Variants in COL15A1 observed in about 807,000 individuals in gnomAD.
The protein encoded by COL15A1 is collagen alpha-1(XV) chain.
A neutral mutation model predicts 165.9 loss-of-function variants in COL15A1; 111 were observed. The ratio of observed to expected loss-of-function variants is 0.67; its 90% CI spans 0.57 to 0.78. COL15A1 has a LOEUF of 0.78. Ranked by LOEUF, COL15A1 falls within the 30% of genes least tolerant of loss-of-function variation. The probability of loss-of-function intolerance (pLI) is 0.00; values close to 1 mark genes in which losing one functional copy is unlikely to be tolerated. For missense variants in COL15A1, 1,745 were observed against 1,789.7 expected, an observed-to-expected ratio of 0.98 and a Z score of 0.45; for synonymous variants, 659 against 674.8, an observed-to-expected ratio of 0.98 and a Z score of 0.36.
intron 2 of COL15A1, among the ~76,000 whole-genome samples, chr9:98,979,376 G>A (rs939469774): frequency 6.6e-5 from 10 of 152,178 alleles, no homozygotes; most frequent in East Asian, 1.9e-4. Context: ...CCAACACAGC[G>A]TATTCTGGTC....
rs558603668 is a variant in COL15A1 at position 98,980,993 on chromosome 9, T to C, written c.101-4572T>C. 2.0e-5 allele frequency among the ~76,000 whole-genome samples: 3 copies of C among 152,230 alleles called. No individual in the cohort carries two copies. The South Asian group carries it at 6.2e-4, about 32-fold the overall frequency. ...TGCACATACCCATATTATCCAATAA[T>C]TCCACTTCCAGCTGTGGAATTACCT... On this transcript the variant is annotated intron_variant, in intron 2 of 41. Transcript: ENST00000375001.
intron 11 of COL15A1, 105 bp downstream of exon 11, chr9:99,016,224 G>C: frequency 7.1e-7 from 1 of 1,401,678 alleles, no homozygotes; most frequent in Non-Finnish European, 9.4e-7. Flanking sequence ...CTCAGAGGTA[G>C]GTTTTCATGT....
In COL15A1 at chr9:99,056,243, T is replaced by A; in HGVS notation, c.3193-17T>A. On this transcript the variant is annotated splice_polypyrimidine_tract_variant and intron_variant, in intron 34 of 41. Transcript: ENST00000375001. ...GAATGATGCTTTCTCTCTGTTATTGTGTGCTTGCCTTGACAGGGCCAAAAA... is the reference window on the plus strand; with the variant it reads ...GAATGATGCTTTCTCTCTGTTATTGAGTGCTTGCCTTGACAGGGCCAAAAA... 2 of 1,613,486 alleles carry A rather than the reference T, an allele frequency of 1.2e-6. No homozygotes were observed. The highest frequency in any genetic ancestry group is 4.5e-5 in the East Asian group (2 of 44,880).
chr9:98,998,862 C>G (rs1251350507), intron 6 of COL15A1, among the ~76,000 whole-genome samples: 1 of 152,206 alleles, frequency 6.6e-6, no homozygotes, highest in Non-Finnish European at 1.5e-5. Flanking sequence ...CCAAAGTGTC[C>G]TTTTCTTCTT....
At chr9:99,052,454 C>T (rs762551785) in intron 31 of COL15A1, 21 bp downstream of exon 31, 7 of 1,576,154 alleles carry the variant, frequency 4.4e-6, no homozygotes, top group Non-Finnish European at 5.2e-6. Context: ...CCTTCTTCAT[C>T]ATTTGTTTCT....
intron 2 of COL15A1, among the ~76,000 whole-genome samples, chr9:98,972,515 A>G (rs1838077070): frequency 6.6e-6 from 1 of 152,246 alleles, no homozygotes; most frequent in South Asian, 2.1e-4. Context: ...TCTAACCTGC[A>G]AATGGGGATA....
intron 13 of COL15A1, among the ~76,000 whole-genome samples, chr9:99,022,706 CCT>C (rs1262628751): frequency 2.0e-5 from 3 of 152,250 alleles, no homozygotes; most frequent in African/African-American, 7.2e-5. Context: ...CTTCTGGGTG[CCT>C]CTCAGGGGGT....
At chr9:99,036,040 C>T (rs546303901) in intron 19 of COL15A1, 130 bp from the exon 20 acceptor site, 14 of 719,114 alleles carry the variant, frequency 1.9e-5, no homozygotes, top group African/African-American at 8.9e-5. Flanking sequence ...GGGCATTTTT[C>T]GCTTATTCTT....
chr9:98,980,160 CAAA>C (rs11343445), intron 2 of COL15A1, among the ~76,000 whole-genome samples: 2 of 143,836 alleles, frequency 1.4e-5, no homozygotes. Context: ...ACTCTTGTCT[CAAA>C]AAAAAAAAAA....
At position 98,986,698 on chromosome 9, in the gene COL15A1, T is replaced by C. The variant is rs74474313; in HGVS notation, c.648+586T>C. Among the ~76,000 whole-genome samples the C allele has an allele frequency of 8.3e-3, 1,258 of 152,366 alleles. 13 individuals carry two copies. Among genetic ancestry groups the C allele is most frequent in the African/African-American group, 0.028 (1,161 of 41,580 alleles). On this transcript the variant is annotated intron_variant, in intron 3 of 41. Transcript: ENST00000375001. ...TAGTTACTCATTTAGTCAGCACACG[T>C]ATTTACTGATGTCTCGTTGGTGAAC...
chr9:99,011,352 A>C (rs1183251757), intron 9 of COL15A1, among the ~76,000 whole-genome samples: 2 of 147,832 alleles, frequency 1.4e-5, no homozygotes, highest in Admixed American at 1.4e-4. Context: ...TGATGTAAAC[A>C]GACCATTTCT....
chr9:99,006,950 C>T (rs1224704137), intron 9 of COL15A1, among the ~76,000 whole-genome samples: 1 of 152,206 alleles, frequency 6.6e-6, no homozygotes, highest in Non-Finnish European at 1.5e-5. Flanking sequence ...TGTGACACAG[C>T]CTCAGGAGGT....
chr9:99,031,346 C>T (rs938542738), intron 16 of COL15A1, among the ~76,000 whole-genome samples: 3 of 152,156 alleles, frequency 2.0e-5, no homozygotes, highest in South Asian at 2.1e-4. Context: ...CCATGCCCCA[C>T]GCATGCCCCC....
chr9:98,988,026 G>T (rs932270455), intron 4 of COL15A1, among the ~76,000 whole-genome samples: 1 of 152,220 alleles, frequency 6.6e-6, no homozygotes, highest in African/African-American at 2.4e-5. Context: ...AGCCAGTTAG[G>T]GAGCAGGTGA....
chr9:99,038,293 G>A (rs759659588), intron 21 of COL15A1, among the ~76,000 whole-genome samples: 2 of 152,082 alleles, frequency 1.3e-5, no homozygotes, highest in Admixed American at 6.6e-5. Context: ...CAATATGGCC[G>A]AGTGAAAAAA....
chr9:98,982,436 T>G (rs2118874817), intron 2 of COL15A1, among the ~76,000 whole-genome samples: 1 of 152,340 alleles, frequency 6.6e-6, no homozygotes, highest in Middle Eastern at 3.4e-3. Context: ...AGACCCATTT[T>G]TCAAGTGCTC....
At chr9:99,027,348 C>T (rs114465776) in intron 16 of COL15A1, among the ~76,000 whole-genome samples, 8 of 152,280 alleles carry the variant, frequency 5.3e-5, no homozygotes, top group African/African-American at 9.6e-5. Context: ...TTCTAGTTTC[C>T]GTCAGCTCTG....
chr9:99,029,703 C>T (rs1200807414), intron 16 of COL15A1, among the ~76,000 whole-genome samples: 1 of 152,152 alleles, frequency 6.6e-6, no homozygotes, highest in Non-Finnish European at 1.5e-5. Context: ...GTGGGTGGAT[C>T]ACCTGAGGTC....
chr9:98,944,013 G>A lies in COL15A1; in HGVS notation c.-49G>A, dbSNP rs769617874. ...CCTTCGTCCTCCGCTAAGCTCCAACGCTCTGCTCGACTAGCCGCGCGCCTT... is the reference window on the plus strand; with the variant it reads ...CCTTCGTCCTCCGCTAAGCTCCAACACTCTGCTCGACTAGCCGCGCGCCTT... On this transcript the variant is annotated 5_prime_UTR_variant, in exon 1 of 42. Coordinates refer to ENST00000375001, the MANE Select transcript of COL15A1 (RefSeq NM_001855.5). The A allele has an allele frequency of 6.2e-7, 1 of 1,612,554 alleles. No individual in the cohort carries two copies. The highest frequency in any genetic ancestry group is 2.2e-5 in the East Asian group (1 of 44,844).
Sources: gnomAD v4.1 joint callset for allele counts (sites outside exome capture counted in the v4.1 genomes callset) on GRCh38, gnomAD v4.1.1 for gene constraint, MANE v1.5 for transcripts, NCBI Gene and HGNC (gene_info 2026-07-23, HGNC 2026-07-21) for gene names.